The following AAK1 variants were observed in gnomAD, a reference collection of about 807,000 sequenced individuals.
AAK1 encodes the protein AP2 associated kinase 1.
AAK1 carries 37 observed loss-of-function variants against 116.0 expected under a neutral mutation model. That is an observed-to-expected ratio of 0.32 (90% confidence interval 0.25 to 0.42). The LOEUF (loss-of-function observed/expected upper bound fraction) is 0.42. Among genes scored for constraint, AAK1 ranks in the 10% least tolerant of loss-of-function variants. The probability of loss-of-function intolerance (pLI) is 1.00; values close to 1 mark genes in which losing one functional copy is unlikely to be tolerated. For synonymous variants in AAK1, 458 were observed against 439.9 expected, an observed-to-expected ratio of 1.04 and a Z score of -0.51; for missense variants, 919 against 1,170.6, an observed-to-expected ratio of 0.79 and a Z score of 3.14.
intron 2 of AAK1, among the ~76,000 whole-genome samples, chr2:69,638,829 ATG>A (rs1287415257): frequency 6.6e-6 from 1 of 152,184 alleles, no homozygotes; most frequent in African/African-American, 2.4e-5. Context: ...CATCTAAGGT[ATG>A]TATGTCAAAG....
chr2:69,481,019 C>A (rs1675069338), intron 18 of AAK1, 58 bp from the exon 19 acceptor site: 4 of 1,358,052 alleles, frequency 2.9e-6, no homozygotes, highest in Non-Finnish European at 3.0e-6. Context: ...TCAGAAGTTT[C>A]TTTAGGAAAT....
In AAK1 at chr2:69,471,504, C is replaced by A. The variant is rs1290420003; in HGVS notation, c.*4365G>T. On this transcript the variant is annotated 3_prime_UTR_variant, in exon 22 of 22. Coordinates refer to ENST00000409085, the MANE Select transcript of AAK1 (RefSeq NM_014911.5). ...GGAGTGTTTCAGGAAAGCTTCCATT[C>A]TAAATATTCATGTGATAGTTTTTCT... The A allele has an allele frequency of 1.0e-6, 1 of 985,422 alleles. No homozygotes were observed. The highest frequency in any genetic ancestry group is 1.1e-4 in the East Asian group (1 of 8,814). 61.0% of individuals were successfully genotyped at this position (985,422 alleles called of 1,614,324 possible).
Position 69,471,651 on chromosome 2 carries a change from A to G in AAK1, c.*4218T>C. ...ATAATCTTGCAGACAGAGAAGGTTA[A>G]GGACTCTGGGAAATCACAGAAAAAC... is the stretch of plus-strand genomic sequence containing the variant. On this transcript the variant is annotated 3_prime_UTR_variant, in exon 22 of 22. Coordinates refer to ENST00000409085, the MANE Select transcript of AAK1 (RefSeq NM_014911.5). 2.0e-6 allele frequency: 2 copies of G among 985,436 alleles called. No homozygotes were observed. Among genetic ancestry groups the G allele is most frequent in the Non-Finnish European group, 2.4e-6 (2 of 829,912 alleles). 61.0% of individuals were successfully genotyped at this position (985,436 alleles called of 1,614,324 possible).
intron 11 of AAK1, among the ~76,000 whole-genome samples, chr2:69,520,361 T>TC (rs1256134040): frequency 1.4e-5 from 2 of 147,808 alleles, no homozygotes; most frequent in African/African-American, 2.5e-5. Flanking sequence ...TTCTTTTCTT[T>TC]TTTTTTTTTT....
At chr2:69,522,244 C>T (rs886134178) in intron 10 of AAK1, among the ~76,000 whole-genome samples, 5 of 152,190 alleles carry the variant, frequency 3.3e-5, no homozygotes, top group Admixed American at 1.3e-4. Flanking sequence ...ATTTCCAAAG[C>T]ATGTTTTGTC....
chr2:69,613,080 C>T (rs1489093302), intron 2 of AAK1, among the ~76,000 whole-genome samples: 2 of 152,066 alleles, frequency 1.3e-5, no homozygotes, highest in Admixed American at 6.5e-5. Context: ...GTCCAATGGC[C>T]CACTTTAAGA....
At chr2:69,478,875 A>C in intron 20 of AAK1, 76 bp downstream of exon 20, 1 of 1,239,620 alleles carries the variant, frequency 8.1e-7, no homozygotes, top group South Asian at 1.2e-5. Flanking sequence ...ACTTTTGATA[A>C]GAAAAACTTT....
intron 19 of AAK1, 101 bp downstream of exon 19, chr2:69,480,759 G>T: frequency 1.1e-6 from 1 of 931,578 alleles, no homozygotes; most frequent in Non-Finnish European, 1.6e-6. Context: ...AACTACCTGG[G>T]CTTCAAAATA....
chr2:69,600,290 GTT>G (rs55852032), intron 2 of AAK1, among the ~76,000 whole-genome samples: 207 of 133,456 alleles, frequency 1.6e-3, no homozygotes, highest in African/African-American at 3.9e-3. Context: ...ATCTGTCTCA[GTT>G]TTTTTTTTTT....
intron 2 of AAK1, among the ~76,000 whole-genome samples, chr2:69,587,241 T>C (rs1672807117): frequency 6.6e-6 from 1 of 151,538 alleles, no homozygotes; most frequent in Non-Finnish European, 1.5e-5. Context: ...CTTGCCACCA[T>C]GCTCAGCTTA....
intron 2 of AAK1, chr2:69,598,925 A>T: frequency 2.4e-6 from 1 of 412,526 alleles, no homozygotes; most frequent in Non-Finnish European, 4.9e-6. Flanking sequence ...TTGATAGATT[A>T]TGCTAAGGAA....
chr2:69,511,517 G>A (rs965758262), intron 13 of AAK1, among the ~76,000 whole-genome samples: 1 of 152,206 alleles, frequency 6.6e-6, no homozygotes, highest in South Asian at 2.1e-4. Context: ...CCAGAGTTGT[G>A]CCTGTAACAG....
chr2:69,643,581 C>T lies in AAK1; in HGVS notation c.-241G>A, dbSNP rs1001269455. The T allele has an allele frequency of 8.1e-5, 100 of 1,228,510 alleles. No homozygotes were observed. The highest frequency in any genetic ancestry group is 3.9e-4 in the African/African-American group (25 of 64,354). The allele number at this position is 1,228,510 out of a possible 1,614,324, so 76.1% of individuals were successfully genotyped here. ...GCATCCTGGCAGCACCCACTTGAGACGGCTCGGCGGCCGGCGCCCTGCTAC... is the reference window on the plus strand; with the variant it reads ...GCATCCTGGCAGCACCCACTTGAGATGGCTCGGCGGCCGGCGCCCTGCTAC... On this transcript the variant is annotated 5_prime_UTR_variant, in exon 1 of 22. Transcript: ENST00000409085.
chr2:69,558,685 A>G (rs1671497342), intron 2 of AAK1, among the ~76,000 whole-genome samples: 1 of 152,250 alleles, frequency 6.6e-6, no homozygotes, highest in African/African-American at 2.4e-5. Context: ...ATAGAGGTGA[A>G]CACAGAGGTA....
Position 69,474,349 on chromosome 2 carries a change from C to A in AAK1, c.*1520G>T. ...AGAGGAAAAGAACAGGAGTGGGGTT[C>A]TCTGTGCCCACTTCTTTTCAAAAGG... On this transcript the variant is annotated 3_prime_UTR_variant, in exon 22 of 22. Transcript: ENST00000409085. The A allele has an allele frequency of 3.0e-6, 3 of 985,816 alleles. No homozygotes were observed. The highest frequency in any genetic ancestry group is 3.6e-6 in the Non-Finnish European group (3 of 829,916). 61.1% of individuals were successfully genotyped at this position (985,816 alleles called of 1,614,324 possible). A position where few individuals can be genotyped will look rare whatever the true frequency, so the allele number is the denominator to read the frequency against.
chr2:69,587,615 G>A (rs1006342887), intron 2 of AAK1, among the ~76,000 whole-genome samples: 2 of 151,852 alleles, frequency 1.3e-5, no homozygotes, highest in Admixed American at 6.6e-5. Flanking sequence ...ACAGGGGCAT[G>A]CCACCATGCC....
chr2:69,516,467 A>G (rs762415729), intron 12 of AAK1, among the ~76,000 whole-genome samples: 1 of 152,230 alleles, frequency 6.6e-6, no homozygotes, highest in African/African-American at 2.4e-5. Context: ...AGGCCTAGAA[A>G]CAACAAGCAA....
At position 69,472,883 on chromosome 2, in the gene AAK1, T is replaced by C. The variant is rs974162359; in HGVS notation, c.*2986A>G. The C allele has an allele frequency of 8.1e-6, 8 of 985,814 alleles. No individual in the cohort carries two copies. The African/African-American group carries it at 1.0e-4, about 13-fold the overall frequency. 61.1% of individuals were successfully genotyped at this position (985,814 alleles called of 1,614,324 possible). On this transcript the variant is annotated 3_prime_UTR_variant, in exon 22 of 22. Coordinates refer to ENST00000409085, the MANE Select transcript of AAK1 (RefSeq NM_014911.5). ...TTAAAAAGGAAAATCTCTAAGATTA[T>C]GATTTAGGCTTCTATTCAGATAATC...
chr2:69,542,141 TA>T (rs1013328803), intron 5 of AAK1, among the ~76,000 whole-genome samples: 10 of 152,106 alleles, frequency 6.6e-5, no homozygotes, highest in South Asian at 6.2e-4. Context: ...TTAGGACAAT[TA>T]AAAAAAATCA....
Sources: allele counts gnomAD v4.1 joint callset (sites outside exome capture counted in the v4.1 genomes callset), GRCh38; gene constraint gnomAD v4.1.1; transcripts MANE v1.5; gene names NCBI Gene and HGNC (gene_info 2026-07-23, HGNC 2026-07-21).